REV3L: variants seen among roughly 807,000 people sequenced by gnomAD.
REV3L encodes DNA polymerase zeta catalytic subunit.
REV3L carries 69 observed loss-of-function variants against 299.4 expected under a neutral mutation model. That is an observed-to-expected ratio of 0.23 (90% confidence interval 0.19 to 0.28). The LOEUF (loss-of-function observed/expected upper bound fraction) is 0.28. Ranked by LOEUF, REV3L falls within the 10% of genes least tolerant of loss-of-function variation. The pLI is 1.00. For missense variants in REV3L, 3,128 were observed against 3,693.8 expected (o/e 0.85, Z 3.97); for synonymous variants, 1,238 against 1,271.4 (o/e 0.97, Z 0.56).
intron 21 of REV3L, among the ~76,000 whole-genome samples, chr6:111,341,135 C>T (rs12198556): frequency 0.11 from 16,181 of 150,834 alleles, 1,141 homozygotes; most frequent in Middle Eastern, 0.2. Context: ...CTGACTCCTG[C>T]TCCCGGGTTC....
At chr6:111,482,615 G>T in intron 1 of REV3L, 135 bp downstream of exon 1, 1 of 380,774 alleles carries the variant, frequency 2.6e-6, no homozygotes, top group Non-Finnish European at 3.8e-6. Context: ...CGAGGAGGGC[G>T]GAGGGGAGGG....
At chr6:111,476,612 ATATT>A (rs1333548828) in intron 1 of REV3L, among the ~76,000 whole-genome samples, 1 of 152,186 alleles carries the variant, frequency 6.6e-6, no homozygotes, top group Non-Finnish European at 1.5e-5. Context: ...GCTCTCATAT[ATATT>A]TAAGTTAATT....
At chr6:111,347,513 G>A (rs910461432) in intron 20 of REV3L, among the ~76,000 whole-genome samples, 5 of 151,920 alleles carry the variant, frequency 3.3e-5, no homozygotes, top group Non-Finnish European at 7.4e-5. Context: ...TAAATCCAAA[G>A]AGCCAAGAAG....
chr6:111,421,096 C>CCAGG, intron 1 of REV3L, among the ~76,000 whole-genome samples: 1 of 152,252 alleles, frequency 6.6e-6, no homozygotes, highest in African/African-American at 2.4e-5. Context: ...CCAATGCACT[C>CCAGG]CAGCCTGGGA....
At chr6:111,304,177 A>C (rs917594490) in intron 31 of REV3L, among the ~76,000 whole-genome samples, 2 of 146,694 alleles carry the variant, frequency 1.4e-5, no homozygotes, top group Non-Finnish European at 3.0e-5. Context: ...ATTGAGAATG[A>C]TGTAAAATCT....
At chr6:111,430,714 A>G in intron 1 of REV3L, 1 of 1,545,920 alleles carries the variant, frequency 6.5e-7, no homozygotes, top group Non-Finnish European at 8.9e-7. Flanking sequence ...ATAAAAAGAA[A>G]GACAAAGACA....
In REV3L at chr6:111,416,392, T is replaced by C; in HGVS notation, c.220A>G (p.Ser74Gly). The part of the protein sequence containing the change: ...PYDGYGQQPE[S>G]YLSQMAFSID... ...CTGAATGCCATCTGAGAAAGATAGC[T>C]TTCTGGCTGCTGTCCATAACCATCG... The change falls in exon 2 of 32, where the codon AGC becomes GGC. Residue 74 changes from serine to glycine, a missense_variant. By Grantham distance (56) the Ser-to-Gly change is moderately conservative (BLOSUM62 0). Transcript: ENST00000368802. 2 of 1,613,820 alleles carry C rather than the reference T, an allele frequency of 1.2e-6. No individual in the cohort carries two copies. Among genetic ancestry groups the C allele is most frequent in the Non-Finnish European group, 1.7e-6 (2 of 1,179,774 alleles).
At chr6:111,385,454 A>G (rs1781253678) in intron 9 of REV3L, among the ~76,000 whole-genome samples, 1 of 152,160 alleles carries the variant, frequency 6.6e-6, no homozygotes, top group African/African-American at 2.4e-5. Flanking sequence ...CCTAAATGTG[A>G]AAAACCAAAC....
At chr6:111,370,963 T>C (rs980265897) in intron 13 of REV3L, among the ~76,000 whole-genome samples, 1 of 152,086 alleles carries the variant, frequency 6.6e-6, no homozygotes, top group Non-Finnish European at 1.5e-5. Context: ...TCATATTGTA[T>C]CTTTCTTTTT....
At chr6:111,381,143 C>T (rs1780789539) in intron 10 of REV3L, among the ~76,000 whole-genome samples, 182 bp downstream of exon 10, 1 of 151,804 alleles carries the variant, frequency 6.6e-6, no homozygotes. Flanking sequence ...TTTTTTTAAG[C>T]TGTATAGAAA....
In REV3L at chr6:111,368,035, T is replaced by C. The variant is rs763447420; in HGVS notation, c.5760-7A>G. 8.9e-6 allele frequency: 14 copies of C among 1,567,224 alleles called. No individual in the cohort carries two copies. The highest frequency in any genetic ancestry group is 2.4e-5 in the South Asian group (2 of 82,428). ...GAGCCGTCCACCAATCTCCCTATAA[T>C]AACATATTTTAGAACAACTGTTTTG... On this transcript the variant is annotated splice_region_variant and splice_polypyrimidine_tract_variant and intron_variant, in intron 13 of 31. Coordinates refer to ENST00000368802, the MANE Select transcript of REV3L (RefSeq NM_001372078.1).
chr6:111,310,707 T>C (rs1024822211), intron 29 of REV3L: 1 of 179,466 alleles, frequency 5.6e-6, no homozygotes, highest in African/African-American at 2.4e-5. Flanking sequence ...ATTAAATCTA[T>C]CATGAAAGAT....
At chr6:111,452,064 C>T (rs1429686634) in intron 1 of REV3L, among the ~76,000 whole-genome samples, 1 of 151,212 alleles carries the variant, frequency 6.6e-6, no homozygotes, top group East Asian at 1.9e-4. Context: ...TTGGATACTT[C>T]ACCAAAGAAG....
rs753764470 is a variant in REV3L at position 111,376,272 on chromosome 6, G to A, written c.2083C>T (p.Arg695Cys). ...CCCAATGTATTCTCGTTAGGGTGAC[G>A]GTGCATATGTATAAAAGGGGAATCC... ...EKDSPFIHMHRHPNENTLGKN... is the reference protein window; with the variant it reads ...EKDSPFIHMHCHPNENTLGKN... Residue 695 changes from arginine (R) to cysteine (C), a missense_variant, in exon 13 of 32, where the codon CGT becomes TGT. Arg to Cys is a radical substitution (Grantham distance 180). Coordinates refer to ENST00000368802, the MANE Select transcript of REV3L (RefSeq NM_001372078.1). 9.3e-6 allele frequency: 15 copies of A among 1,613,488 alleles called. No individual in the cohort carries two copies. In the African/African-American group the frequency reaches 1.7e-4, roughly 19 times the overall value.
chr6:111,338,125 T>G (rs961431466), intron 21 of REV3L, among the ~76,000 whole-genome samples: 1 of 152,100 alleles, frequency 6.6e-6, no homozygotes, highest in Non-Finnish European at 1.5e-5. Flanking sequence ...AAGGTATGTA[T>G]TACACATATA....
At position 111,374,570 on chromosome 6, in the gene REV3L, A is replaced by C. The variant is rs1291787509; in HGVS notation, c.3785T>G (p.Phe1262Cys). Reference protein sequence around the residue: ...ASSSGGSQLLFKQKDMPLMGS... With the variant: ...ASSSGGSQLLCKQKDMPLMGS... ...CATTAGTGGCATATCTTTCTGTTTA[A>C]AAAGTAGTTGAGAGCCTCCAGAACT... Residue 1262 changes from phenylalanine (F) to cysteine (C), a missense_variant, in exon 13 of 32, where the codon TTT (phenylalanine) becomes TGT (cysteine). Around this residue, in one of 9 missense-constraint regions of REV3L, gnomAD observed 2,409 missense variants for 2,611.8 expected, o/e 0.92. Coordinates refer to ENST00000368802, the MANE Select transcript of REV3L (RefSeq NM_001372078.1). 3 of 1,613,930 alleles carry C rather than the reference A, an allele frequency of 1.9e-6. No individual in the cohort carries two copies. In the East Asian group the frequency reaches 6.7e-5, roughly 36 times the overall value.
intron 1 of REV3L, among the ~76,000 whole-genome samples, chr6:111,436,995 A>G (rs573854746): frequency 3.7e-4 from 56 of 152,352 alleles, no homozygotes; most frequent in Admixed American, 8.5e-4. Context: ...AATGGCAAAT[A>G]AGCACATTAA....
intron 1 of REV3L, among the ~76,000 whole-genome samples, chr6:111,458,024 T>C (rs768536589): frequency 2.6e-5 from 4 of 151,900 alleles, no homozygotes; most frequent in Admixed American, 1.3e-4. Context: ...AAATATGTAA[T>C]AGATGCAAAA....
intron 4 of REV3L, among the ~76,000 whole-genome samples, chr6:111,399,020 A>G (rs1428503460): frequency 6.6e-6 from 1 of 152,158 alleles, no homozygotes; most frequent in Non-Finnish European, 1.5e-5. Context: ...CACTTCCGAT[A>G]TTCTGAAAAA....
Sources: allele counts gnomAD v4.1 joint callset (sites outside exome capture counted in the v4.1 genomes callset), GRCh38; gene constraint gnomAD v4.1.1; regional missense constraint gnomAD v4.1.1; transcripts MANE v1.5; gene names NCBI Gene and HGNC (gene_info 2026-07-23, HGNC 2026-07-21).